NTRK3: variants seen among roughly 807,000 people sequenced by gnomAD.
NTRK3 encodes the protein neurotrophic receptor tyrosine kinase 3.
A neutral mutation model predicts 91.7 loss-of-function variants in NTRK3; 24 were observed. That is an observed-to-expected ratio of 0.26 (90% CI 0.19 to 0.37). NTRK3 has a LOEUF of 0.37. Ranked by LOEUF, NTRK3 falls within the 10% of genes least tolerant of loss-of-function variation. The pLI, the probability that NTRK3 is intolerant of heterozygous loss-of-function variation, is 1.00. For missense variants in NTRK3, 880 were observed against 1,068.9 expected (o/e 0.82, Z 2.46); for synonymous variants, 483 against 404.0 (o/e 1.20, Z -2.34).
At chr15:88,200,629 TGAA>T (rs1328402545) in intron 3 of NTRK3, among the ~76,000 whole-genome samples, 1 of 152,222 alleles carries the variant, frequency 6.6e-6, no homozygotes, top group Non-Finnish European at 1.5e-5. Context: ...TGCCACCATG[TGAA>T]GAAGGATGTT....
chr15:88,147,083 A>T (rs1476739398), intron 6 of NTRK3, among the ~76,000 whole-genome samples: 1 of 152,210 alleles, frequency 6.6e-6, no homozygotes, highest in Non-Finnish European at 1.5e-5. Flanking sequence ...TCTACAGATC[A>T]CAAAACTAAG....
chr15:88,157,203 G>A (rs1042658172), intron 5 of NTRK3, among the ~76,000 whole-genome samples: 2 of 152,022 alleles, frequency 1.3e-5, no homozygotes, highest in Admixed American at 6.6e-5. Flanking sequence ...GGATGAAGGC[G>A]CTCTCGCTCC....
chr15:88,162,494 C>T (rs1391359823), intron 5 of NTRK3, among the ~76,000 whole-genome samples: 1 of 152,210 alleles, frequency 6.6e-6, no homozygotes, highest in Non-Finnish European at 1.5e-5. Context: ...GGCCCACTCT[C>T]AAGTTTCCAA....
Position 87,880,208 on chromosome 15 carries a change from T to C in NTRK3, c.2292+62A>G, listed in dbSNP as rs775630531. 1.2e-5 allele frequency: 19 copies of C among 1,606,984 alleles called. No individual in the cohort carries two copies. In the Admixed American group the frequency reaches 1.3e-4, roughly 11 times the overall value. On this transcript the variant is annotated intron_variant, in intron 18 of 18. Coordinates refer to ENST00000394480, the Ensembl canonical transcript of NTRK3. ...TGTCTTGTTCAGTAGGTCCAAGTTC[T>C]GGGCTGAGATAGCTCTTATGAGCCC...
chr15:87,997,747 A>G (rs2075808330), intron 14 of NTRK3, among the ~76,000 whole-genome samples: 1 of 152,172 alleles, frequency 6.6e-6, no homozygotes, highest in African/African-American at 2.4e-5. Flanking sequence ...CTGGGGTCAT[A>G]GTTTCTCCAG....
chr15:88,018,606 G>T (rs2077400356), intron 14 of NTRK3, among the ~76,000 whole-genome samples: 1 of 152,130 alleles, frequency 6.6e-6, no homozygotes, highest in Non-Finnish European at 1.5e-5. Context: ...GAAAAGAAGA[G>T]GGGGTGGTGG....
intron 13 of NTRK3, among the ~76,000 whole-genome samples, chr15:88,097,218 A>T (rs778635071): frequency 2.0e-5 from 3 of 152,230 alleles, no homozygotes; most frequent in Non-Finnish European, 2.9e-5. Context: ...TTAACGTTAC[A>T]TCCTTGGCTG....
rs866830371 is a variant in NTRK3 at position 87,915,499 on chromosome 15, C to G, written c.2133+13692G>C. On this transcript the variant is annotated intron_variant, in intron 17 of 18. Transcript: ENST00000394480. The stretch of plus-strand genomic sequence containing the variant: ...AATAGAAAAGCTCTTCCTGCAGATG[C>G]CTAAAAGTGTTTTCTCTTTCCTCCT... Among the ~76,000 whole-genome samples, 2 of 152,334 alleles carry G rather than the reference C, an allele frequency of 1.3e-5. 1 individual carries two copies. The highest frequency in any genetic ancestry group is 4.1e-4 in the South Asian group (2 of 4,826).
At chr15:88,082,188 G>A (rs1177394668) in intron 13 of NTRK3, among the ~76,000 whole-genome samples, 5 of 151,524 alleles carry the variant, frequency 3.3e-5, no homozygotes, top group Non-Finnish European at 7.4e-5. Context: ...TGAGGCAGGA[G>A]AATGGAGTGA....
chr15:88,242,707 G>A (rs2052468812), intron 3 of NTRK3, among the ~76,000 whole-genome samples: 1 of 152,200 alleles, frequency 6.6e-6, no homozygotes, highest in South Asian at 2.1e-4. Flanking sequence ...GGGTCCCACA[G>A]AAGGAAGAGC....
intron 14 of NTRK3, among the ~76,000 whole-genome samples, chr15:87,958,648 A>T (rs9806413): frequency 0.5 from 75,119 of 151,456 alleles, 19,367 homozygotes; most frequent in African/African-American, 0.63. Flanking sequence ...GTGTCCACTC[A>T]ACACCCAAGC....
chr15:88,156,250 A>G (rs1008749370), intron 5 of NTRK3, among the ~76,000 whole-genome samples: 1 of 152,196 alleles, frequency 6.6e-6, no homozygotes, highest in African/African-American at 2.4e-5. Context: ...CAGAGCAGGA[A>G]GGAAAAGAGA....
chr15:87,880,259 C>G lies in NTRK3; in HGVS notation c.2292+11G>C, dbSNP rs1282123602. 6.2e-7 allele frequency: 1 copy of G among 1,614,010 alleles called. No individual in the cohort carries two copies. Among genetic ancestry groups the G allele is most frequent in the Admixed American group, 1.7e-5 (1 of 60,008 alleles). ...TCCCCCAATCAAGATTCCTACGCAC[C>G]CCCTTTTTACCTCCGTGTTTGAGAG... On this transcript the variant is annotated intron_variant, in intron 18 of 18. Coordinates refer to ENST00000394480, the Ensembl canonical transcript of NTRK3.
chr15:88,141,073 G>T (rs571267557), intron 6 of NTRK3, among the ~76,000 whole-genome samples: 1 of 152,180 alleles, frequency 6.6e-6, no homozygotes, highest in African/African-American at 2.4e-5. Flanking sequence ...AAGGAAGAGA[G>T]GACACATTAC....
chr15:88,248,358 T>C (rs2053037987), intron 3 of NTRK3, among the ~76,000 whole-genome samples: 1 of 152,182 alleles, frequency 6.6e-6, no homozygotes, highest in African/African-American at 2.4e-5. Context: ...GGCCACACTG[T>C]TTGGCCAATA....
chr15:88,060,213 T>C (rs890846043), intron 13 of NTRK3, among the ~76,000 whole-genome samples: 8 of 151,836 alleles, frequency 5.3e-5, no homozygotes, highest in African/African-American at 1.9e-4. Context: ...AAACTCCATC[T>C]CTACTAAAAA....
At chr15:88,174,205 T>C (rs1236924313) in intron 5 of NTRK3, among the ~76,000 whole-genome samples, 1 of 152,124 alleles carries the variant, frequency 6.6e-6, no homozygotes, top group East Asian at 1.9e-4. Context: ...TTTCCCAAAA[T>C]GCTATGAGGT....
At chr15:88,203,052 C>T (rs1361108699) in intron 3 of NTRK3, among the ~76,000 whole-genome samples, 1 of 152,174 alleles carries the variant, frequency 6.6e-6, no homozygotes, top group African/African-American at 2.4e-5. Flanking sequence ...AGAGCTTTCT[C>T]TGGAGTGGGC....
At chr15:87,975,942 T>C (rs1232427770) in intron 14 of NTRK3, among the ~76,000 whole-genome samples, 1 of 152,186 alleles carries the variant, frequency 6.6e-6, no homozygotes, top group African/African-American at 2.4e-5. Flanking sequence ...TTTTGCCTCC[T>C]GCTCTATGGG....
Sources: gnomAD v4.1 joint callset for allele counts (sites outside exome capture counted in the v4.1 genomes callset) on GRCh38, gnomAD v4.1.1 for gene constraint, MANE v1.5 for transcripts, NCBI Gene and HGNC (gene_info 2026-07-23, HGNC 2026-07-21) for gene names.